Variants in CADM2 observed in about 807,000 individuals in gnomAD.
CADM2 encodes the protein cell adhesion molecule 2.
A neutral mutation model predicts 49.8 loss-of-function variants in CADM2; 12 were observed. The observed-to-expected ratio is 0.24, with a 90% CI of 0.15 to 0.39. The LOEUF (loss-of-function observed/expected upper bound fraction) is 0.39. CADM2 is among the 10% of genes least tolerant of loss of function. The probability of loss-of-function intolerance (pLI) is 1.00; values close to 1 mark genes in which losing one functional copy is unlikely to be tolerated. For synonymous variants in CADM2, 214 were observed against 175.4 expected, an observed-to-expected ratio of 1.22 and a Z score of -1.74; for missense variants, 378 against 492.3, an observed-to-expected ratio of 0.77 and a Z score of 2.20.
intron 8 of CADM2, among the ~76,000 whole-genome samples, chr3:85,966,257 G>A (rs1013841005): frequency 4.6e-5 from 7 of 151,708 alleles, no homozygotes; most frequent in Admixed American, 1.3e-4. Context: ...GTAGACAAGG[G>A]TAGCAAGGAT....
chr3:84,988,298 C>G (rs1241540254), intron 1 of CADM2, among the ~76,000 whole-genome samples: 1 of 152,230 alleles, frequency 6.6e-6, no homozygotes, highest in Non-Finnish European at 1.5e-5. Context: ...TTTCCTACTT[C>G]TATTTCCTTT....
intron 1 of CADM2, among the ~76,000 whole-genome samples, chr3:85,443,389 A>C (rs185871818): frequency 6.6e-6 from 1 of 152,112 alleles, no homozygotes; most frequent in African/African-American, 2.4e-5. Context: ...TGGAACAGCT[A>C]TTGTATAACC....
intron 1 of CADM2, among the ~76,000 whole-genome samples, chr3:85,128,269 A>G (rs1244465724): frequency 6.6e-6 from 1 of 152,224 alleles, no homozygotes; most frequent in East Asian, 1.9e-4. Context: ...TGGGCCATTT[A>G]TAATGCCTAA....
At chr3:86,053,839 GTAA>G (rs528626491) in intron 8 of CADM2, among the ~76,000 whole-genome samples, 59 of 152,094 alleles carry the variant, frequency 3.9e-4, no homozygotes, top group Admixed American at 1.2e-3. Flanking sequence ...ATTTAATAAA[GTAA>G]TAAGAATAAT....
chr3:85,523,481 A>G (rs1215495803), intron 1 of CADM2, among the ~76,000 whole-genome samples: 1 of 152,172 alleles, frequency 6.6e-6, no homozygotes, highest in Admixed American at 6.6e-5. Flanking sequence ...TTAAACAATC[A>G]AAGTGATAAC....
intron 1 of CADM2, among the ~76,000 whole-genome samples, chr3:85,606,413 C>CTTAGT (rs1476667886): frequency 6.6e-6 from 1 of 152,040 alleles, no homozygotes; most frequent in Non-Finnish European, 1.5e-5. Flanking sequence ...GTGCCCGCAG[C>CTTAGT]TTAGTTTCTA....
chr3:85,837,192 T>A (rs2074450063), intron 3 of CADM2, among the ~76,000 whole-genome samples: 1 of 151,568 alleles, frequency 6.6e-6, no homozygotes, highest in Admixed American at 6.6e-5. Flanking sequence ...CTACTTCATG[T>A]GTTATAATGT....
intron 1 of CADM2, among the ~76,000 whole-genome samples, chr3:85,452,472 G>GT (rs1179542224): frequency 1.3e-5 from 2 of 151,936 alleles, no homozygotes; most frequent in Non-Finnish European, 2.9e-5. Context: ...CTGGCTCTGT[G>GT]TTTTGTTTTT....
At chr3:85,508,104 T>C (rs560633317) in intron 1 of CADM2, among the ~76,000 whole-genome samples, 1 of 152,290 alleles carries the variant, frequency 6.6e-6, no homozygotes, top group African/African-American at 2.4e-5. Context: ...GGAAAGAAAG[T>C]ACAAAGAGGT....
At chr3:85,474,925 C>T (rs991221453) in intron 1 of CADM2, among the ~76,000 whole-genome samples, 3 of 151,918 alleles carry the variant, frequency 2.0e-5, no homozygotes, top group Non-Finnish European at 4.4e-5. Context: ...ACTACAGACT[C>T]AGCATCCTCG....
At chr3:85,592,906 C>G (rs574315129) in intron 1 of CADM2, among the ~76,000 whole-genome samples, 1 of 151,944 alleles carries the variant, frequency 6.6e-6, no homozygotes, top group Middle Eastern at 3.4e-3. Context: ...TTTCTGTGTC[C>G]ATGTATTCTC....
At chr3:85,990,940 C>T (rs1728704736) in intron 8 of CADM2, among the ~76,000 whole-genome samples, 1 of 152,190 alleles carries the variant, frequency 6.6e-6, no homozygotes, top group Non-Finnish European at 1.5e-5. Flanking sequence ...TTATTTTGAA[C>T]TAAAGGCACT....
At position 85,940,164 on chromosome 3, in the gene CADM2, C is replaced by CAA. The variant is rs10527231; in HGVS notation, c.791+4332_791+4333dup. 3.6e-3 allele frequency among the ~76,000 whole-genome samples: 187 copies of CAA among 52,164 alleles called. 8 individuals carry two copies. Among genetic ancestry groups the CAA allele is most frequent in the Middle Eastern group, 0.032 (2 of 62 alleles). The allele number at this position is 52,164 out of a possible 152,430, so 34.2% of individuals were successfully genotyped here. A position where few individuals can be genotyped will look rare whatever the true frequency, so the allele number is the denominator to read the frequency against. On this transcript the variant is annotated intron_variant, in intron 7 of 9. Coordinates refer to ENST00000383699, the MANE Select transcript of CADM2 (RefSeq NM_001167675.2). ...TGAAACCCCATCTCTACTAAAAATA[C>CAA]AAAAAAAAAAAAAAAAAAAAAAAAA... is the stretch of plus-strand genomic sequence containing the variant.
chr3:85,357,217 C>G (rs12498010), intron 1 of CADM2, among the ~76,000 whole-genome samples: 2 of 151,926 alleles, frequency 1.3e-5, no homozygotes, highest in African/African-American at 4.8e-5. Context: ...ATCGCCCTTA[C>G]TAGCAAACTG....
intron 1 of CADM2, among the ~76,000 whole-genome samples, chr3:85,466,389 T>G (rs1445340655): frequency 6.6e-6 from 1 of 152,126 alleles, no homozygotes; most frequent in African/African-American, 2.4e-5. Flanking sequence ...AGAGAGTGAA[T>G]TTTTGGGAAA....
chr3:85,395,830 T>G (rs1214556165), intron 1 of CADM2, among the ~76,000 whole-genome samples: 4 of 151,654 alleles, frequency 2.6e-5, no homozygotes, highest in African/African-American at 9.7e-5. Flanking sequence ...TATTCAAGAT[T>G]GGATGTTGTA....
intron 1 of CADM2, among the ~76,000 whole-genome samples, chr3:85,505,709 G>T (rs2040321613): frequency 6.6e-6 from 1 of 152,150 alleles, no homozygotes; most frequent in Admixed American, 6.6e-5. Flanking sequence ...CTGTGTACCA[G>T]TCAATGACAG....
At chr3:85,397,992 A>AG (rs1246767140) in intron 1 of CADM2, among the ~76,000 whole-genome samples, 2 of 151,984 alleles carry the variant, frequency 1.3e-5, no homozygotes, top group African/African-American at 4.8e-5. Context: ...GACATCCAGA[A>AG]GCCTTTTTCT....
chr3:85,403,811 T>C (rs1235250726), intron 1 of CADM2, among the ~76,000 whole-genome samples: 1 of 152,140 alleles, frequency 6.6e-6, no homozygotes, highest in Non-Finnish European at 1.5e-5. Context: ...AGCTGTCATA[T>C]GTGTTTAGCT....
Sources: gnomAD v4.1 joint callset for allele counts (sites outside exome capture counted in the v4.1 genomes callset) on GRCh38, gnomAD v4.1.1 for gene constraint, MANE v1.5 for transcripts, NCBI Gene and HGNC (gene_info 2026-07-23, HGNC 2026-07-21) for gene names.